The following OR3A2 variants were observed in gnomAD, a reference collection of about 807,000 sequenced individuals.
OR3A2 encodes olfactory receptor family 3 subfamily A member 2.
For synonymous variants in OR3A2, 126 were observed against 159.3 expected, an observed-to-expected ratio of 0.79 and a Z score of 1.57; for missense variants, 318 against 392.8, an observed-to-expected ratio of 0.81 and a Z score of 1.61.
intron 2 of OR3A2, among the ~76,000 whole-genome samples, chr17:3,360,456 C>T (rs1008063037): frequency 1.3e-5 from 2 of 151,664 alleles, no homozygotes; most frequent in Non-Finnish European, 2.9e-5. Context: ...CTTTTGTTGC[C>T]ATTGCTTTTG....
At chr17:3,285,548 G>T (rs77828087), upstream of OR3A2, among the ~76,000 whole-genome samples, 2,795 of 152,254 alleles carry the variant, frequency 0.018, 92 homozygotes, top group African/African-American at 0.063. Flanking sequence ...TAGCACTCTG[G>T]GAGGCTGAGG....
chr17:3,339,887 G>C (rs1273345957), intron 2 of OR3A2, among the ~76,000 whole-genome samples: 1 of 152,138 alleles, frequency 6.6e-6, no homozygotes, highest in East Asian at 1.9e-4. Context: ...ATTCAGCTGT[G>C]AATCTGTCTG....
At chr17:3,277,952 G>A (rs762000425) in exon 2 of OR3A2, 7 of 1,573,786 alleles carry the variant, frequency 4.4e-6, no homozygotes, top group Non-Finnish European at 6.1e-6. Flanking sequence ...GGCAGGAAAG[G>A]AGGGACCCCA....
intron 3 of OR3A2, among the ~76,000 whole-genome samples, chr17:3,334,500 T>C (rs1315110771): frequency 6.6e-6 from 1 of 152,226 alleles, no homozygotes; most frequent in African/African-American, 2.4e-5. Flanking sequence ...GGCTGAATAA[T>C]ATTCCATCAC....
At chr17:3,354,040 G>C (rs2049442531) in intron 2 of OR3A2, among the ~76,000 whole-genome samples, 1 of 151,526 alleles carries the variant, frequency 6.6e-6, no homozygotes, top group Non-Finnish European at 1.5e-5. Context: ...ACTTAGTTAT[G>C]ATGAGTAATT....
intron 3 of OR3A2, chr17:3,310,919 T>A (rs2150630795): frequency 1.5e-6 from 1 of 656,376 alleles, no homozygotes; most frequent in Non-Finnish European, 2.7e-6. Flanking sequence ...AGTTGCTGTT[T>A]GTAGCAGCAG....
intron 3 of OR3A2, among the ~76,000 whole-genome samples, chr17:3,320,522 T>C (rs2049112132): frequency 8.2e-6 from 1 of 122,682 alleles, no homozygotes; most frequent in South Asian, 3.0e-4. Flanking sequence ...GTCTAACATG[T>C]AAGTCTTTAA....
intron 1 of OR3A2, among the ~76,000 whole-genome samples, chr17:3,283,768 C>A (rs804236): frequency 6.6e-6 from 1 of 150,592 alleles, no homozygotes; most frequent in Non-Finnish European, 1.5e-5. Context: ...CAAAACAATA[C>A]GGCCCTTAGG....
intron 2 of OR3A2, among the ~76,000 whole-genome samples, chr17:3,346,761 T>C (rs2049367054): frequency 1.3e-5 from 2 of 152,176 alleles, no homozygotes. Context: ...TTTTGATTTT[T>C]AGATCCCACA....
chr17:3,341,544 A>G (rs1350831273), intron 2 of OR3A2, among the ~76,000 whole-genome samples: 1 of 152,222 alleles, frequency 6.6e-6, no homozygotes, highest in Non-Finnish European at 1.5e-5. Flanking sequence ...GCTAGATATG[A>G]AATTCTGGGT....
upstream of OR3A2, among the ~76,000 whole-genome samples, chr17:3,289,107 G>A (rs1168631579): frequency 6.8e-6 from 1 of 146,526 alleles, no homozygotes; most frequent in Non-Finnish European, 1.5e-5. Context: ...TTGTGTGTGT[G>A]AGTGTGTGTT....
intron 2 of OR3A2, among the ~76,000 whole-genome samples, chr17:3,357,865 T>G (rs1403703073): frequency 8.2e-6 from 1 of 122,502 alleles, no homozygotes; most frequent in Non-Finnish European, 1.8e-5. Flanking sequence ...AAATGGTGTA[T>G]TTTATGTTAT....
intron 3 of OR3A2, among the ~76,000 whole-genome samples, chr17:3,319,280 T>C (rs1000392153): frequency 6.6e-6 from 1 of 152,200 alleles, no homozygotes; most frequent in Admixed American, 6.6e-5. Flanking sequence ...TGTAAAGGAC[T>C]AGGCAGTAAA....
intron 3 of OR3A2, among the ~76,000 whole-genome samples, chr17:3,323,631 G>A (rs1418906664): frequency 6.6e-6 from 1 of 152,002 alleles, no homozygotes; most frequent in Non-Finnish European, 1.5e-5. Context: ...TAGTTTGGCT[G>A]GATATGAAAT....
intron 2 of OR3A2, among the ~76,000 whole-genome samples, chr17:3,339,764 A>T (rs530100014): frequency 6.6e-6 from 1 of 152,170 alleles, no homozygotes; most frequent in South Asian, 2.1e-4. Context: ...CAGGCTTTGG[A>T]ATCAGGATGA....
intron 3 of OR3A2, among the ~76,000 whole-genome samples, chr17:3,297,958 C>T (rs935881336): frequency 2.0e-4 from 30 of 151,718 alleles, no homozygotes; most frequent in African/African-American, 6.5e-4. Flanking sequence ...ATCTAGATGG[C>T]GTGGGGTTTC....
rs185108695 is a variant in OR3A2 at position 3,297,536 on chromosome 17, T to A, written c.-84-18383A>T. On this transcript the variant is annotated intron_variant, in intron 3 of 4. Transcript: ENST00000573491. Reference sequence around the variant, plus strand: ...TTTCCTGGTCCTGCCCCATCTCATATTCCTGTCCACTAAACTCTGCGGCAC... The same window carrying A: ...TTTCCTGGTCCTGCCCCATCTCATAATCCTGTCCACTAAACTCTGCGGCAC... Among the ~76,000 whole-genome samples, 104 of 148,458 alleles carry A rather than the reference T, an allele frequency of 7.0e-4. 4 individuals carry two copies. The highest frequency in any genetic ancestry group is 2.3e-3 in the African/African-American group (88 of 37,976).
chr17:3,328,500 C>G (rs1281999965), intron 3 of OR3A2, among the ~76,000 whole-genome samples: 3 of 138,180 alleles, frequency 2.2e-5, no homozygotes, highest in Non-Finnish European at 4.6e-5. Flanking sequence ...ATGTTGTCTG[C>G]AAACAGGGAC....
intron 2 of OR3A2, among the ~76,000 whole-genome samples, chr17:3,347,551 A>C (rs932749880): frequency 6.6e-6 from 1 of 152,176 alleles, no homozygotes; most frequent in African/African-American, 2.4e-5. Context: ...AATTTCATCC[A>C]TGTCCCTACA....
Sources: gnomAD v4.1 joint callset for allele counts (sites outside exome capture counted in the v4.1 genomes callset) on GRCh38, gnomAD v4.1.1 for gene constraint, MANE v1.5 for transcripts, NCBI Gene and HGNC (gene_info 2026-07-23, HGNC 2026-07-21) for gene names.